The following VTI1A variants were observed in gnomAD, a reference collection of about 807,000 sequenced individuals.
The protein encoded by VTI1A is vesicle transport through interaction with t-SNAREs 1A, also known as vesicle transport through interaction with t-SNAREs homolog 1A.
Under a neutral mutation model 34.9 loss-of-function variants are expected in VTI1A, and 22 were observed. The observed-to-expected ratio is 0.63, with a 90% CI of 0.45 to 0.90. The LOEUF (loss-of-function observed/expected upper bound fraction) is 0.90. Ranked by LOEUF, VTI1A falls within the 40% of genes least tolerant of loss-of-function variation. The pLI, the probability that VTI1A is intolerant of heterozygous loss-of-function variation, is 0.00. For missense variants in VTI1A, 268 were observed against 275.6 expected, an observed-to-expected ratio of 0.97 and a Z score of 0.20; for synonymous variants, 87 against 97.3, an observed-to-expected ratio of 0.89 and a Z score of 0.62.
chr10:112,631,086 G>A (rs1459244290), intron 5 of VTI1A, among the ~76,000 whole-genome samples: 2 of 151,702 alleles, frequency 1.3e-5, no homozygotes, highest in Non-Finnish European at 2.9e-5. Flanking sequence ...CCGAGATCGC[G>A]CCATTGCACT....
chr10:112,749,124 A>G (rs1280180394), intron 7 of VTI1A, among the ~76,000 whole-genome samples: 1 of 152,216 alleles, frequency 6.6e-6, no homozygotes, highest in Non-Finnish European at 1.5e-5. Context: ...CTGTTTAAAT[A>G]TATGCATTAA....
chr10:112,708,243 G>T lies in VTI1A; in HGVS notation c.560+39245G>T, dbSNP rs190743961. Among the ~76,000 whole-genome samples, 332 of 152,300 alleles carry T rather than the reference G, an allele frequency of 2.2e-3. 1 individual carries two copies. Among genetic ancestry groups the T allele is most frequent in the Non-Finnish European group, 4.2e-3 (285 of 68,028 alleles). Reference sequence around the variant, plus strand: ...GTATACAGCATGTATATTACTGTAGGTTTGTTGAAATACAAAATAATTCTG... The same window carrying T: ...GTATACAGCATGTATATTACTGTAGTTTTGTTGAAATACAAAATAATTCTG... On this transcript the variant is annotated intron_variant, in intron 7 of 7. Transcript: ENST00000393077.
At chr10:112,619,566 G>A (rs1351687815) in intron 5 of VTI1A, among the ~76,000 whole-genome samples, 1 of 152,160 alleles carries the variant, frequency 6.6e-6, no homozygotes, top group Non-Finnish European at 1.5e-5. Context: ...TGTTGTTTCT[G>A]CAAAATATGT....
chr10:112,737,174 G>A (rs1327378041), intron 7 of VTI1A: 4 of 355,588 alleles, frequency 1.1e-5, no homozygotes, highest in Admixed American at 1.1e-4. Context: ...AGGTCCAAGC[G>A]ATTCTCTTGC....
At chr10:112,712,848 A>G (rs1849475395) in intron 7 of VTI1A, among the ~76,000 whole-genome samples, 2 of 152,164 alleles carry the variant, frequency 1.3e-5, no homozygotes, top group Non-Finnish European at 1.5e-5. Flanking sequence ...ATGGCTTTAG[A>G]CTGTCAGGAT....
intron 1 of VTI1A, among the ~76,000 whole-genome samples, chr10:112,458,212 T>C (rs1847605488): frequency 6.6e-6 from 1 of 152,232 alleles, no homozygotes; most frequent in South Asian, 2.1e-4. Flanking sequence ...GCATGGACTT[T>C]CCTATCAACT....
chr10:112,846,721 G>A, the VTI1A span, among the ~76,000 whole-genome samples: 5 of 149,240 alleles, frequency 3.4e-5, no homozygotes, highest in East Asian at 2.0e-4. Context: ...AGCCGAGATC[G>A]CGCCACTGCA....
intron 5 of VTI1A, among the ~76,000 whole-genome samples, chr10:112,577,038 A>G (rs1843739592): frequency 6.6e-6 from 1 of 152,222 alleles, no homozygotes; most frequent in African/African-American, 2.4e-5. Context: ...TATGTTAGGG[A>G]TGCATAGATA....
chr10:112,561,546 A>G (rs1205485918), intron 5 of VTI1A, among the ~76,000 whole-genome samples: 1 of 152,222 alleles, frequency 6.6e-6, no homozygotes, highest in Admixed American at 6.5e-5. Context: ...GGATATAACA[A>G]ATACTTAAAT....
chr10:112,750,862 A>T lies in VTI1A; in HGVS notation c.561-64428A>T, dbSNP rs78588874. 5.5e-3 allele frequency among the ~76,000 whole-genome samples: 841 copies of T among 152,336 alleles called. 9 individuals carry two copies. The highest frequency in any genetic ancestry group is 0.018 in the African/African-American group (762 of 41,578). ...TATTGTGCAATAGAATAAAAAGCAA[A>T]TACTGTGTGTCCCATGGCAACCTCG... On this transcript the variant is annotated intron_variant, in intron 7 of 7. Transcript: ENST00000393077.
At chr10:112,750,803 A>G (rs1851075378) in intron 7 of VTI1A, among the ~76,000 whole-genome samples, 1 of 152,202 alleles carries the variant, frequency 6.6e-6, no homozygotes, top group Non-Finnish European at 1.5e-5. Flanking sequence ...TGTGCTTAGG[A>G]ATGCATAATT....
intron 1 of VTI1A, among the ~76,000 whole-genome samples, chr10:112,457,370 T>C (rs1847570832): frequency 6.6e-6 from 1 of 152,236 alleles, no homozygotes; most frequent in Non-Finnish European, 1.5e-5. Flanking sequence ...CTCAGTATAG[T>C]GTAGGACTAT....
chr10:112,607,354 G>GGTGAGCC (rs1419329643), intron 5 of VTI1A, among the ~76,000 whole-genome samples: 1 of 151,796 alleles, frequency 6.6e-6, no homozygotes, highest in African/African-American at 2.4e-5. Context: ...ATAGGCAGGA[G>GGTGAGCC]GTGAGCCAAG....
At chr10:112,569,985 C>CA (rs1344918422) in intron 5 of VTI1A, among the ~76,000 whole-genome samples, 13 of 152,286 alleles carry the variant, frequency 8.5e-5, no homozygotes, top group African/African-American at 3.1e-4. Flanking sequence ...GCAAAGTGTG[C>CA]ATTCAGTACC....
intron 1 of VTI1A, among the ~76,000 whole-genome samples, chr10:112,448,705 C>T (rs1003300706): frequency 1.1e-4 from 16 of 152,140 alleles, no homozygotes; most frequent in African/African-American, 3.9e-4. Flanking sequence ...CATTAATCTG[C>T]GGATTGGTGG....
chr10:112,822,252 G>A (rs1853667306), downstream of VTI1A, among the ~76,000 whole-genome samples: 3 of 152,172 alleles, frequency 2.0e-5, no homozygotes, highest in Admixed American at 2.0e-4. Flanking sequence ...CCACTCCCTG[G>A]CCAGGACCCC....
chr10:112,607,597 A>G (rs1469942329), intron 5 of VTI1A, among the ~76,000 whole-genome samples: 1 of 152,210 alleles, frequency 6.6e-6, no homozygotes, highest in African/African-American at 2.4e-5. Context: ...GTCCTTTGTT[A>G]TGAAAGAAAT....
intron 3 of VTI1A, among the ~76,000 whole-genome samples, chr10:112,491,993 G>A (rs550808225): frequency 4.5e-4 from 68 of 152,264 alleles, no homozygotes; most frequent in African/African-American, 1.6e-3. Flanking sequence ...AGAGATTTTA[G>A]TTTAGTTGGT....
At chr10:112,510,063 G>C (rs1849555183) in intron 3 of VTI1A, among the ~76,000 whole-genome samples, 1 of 152,194 alleles carries the variant, frequency 6.6e-6, no homozygotes, top group Non-Finnish European at 1.5e-5. Context: ...TCCCTGTCCA[G>C]TGCTATCACA....
Sources: gnomAD v4.1 joint callset for allele counts (sites outside exome capture counted in the v4.1 genomes callset) on GRCh38, gnomAD v4.1.1 for gene constraint, MANE v1.5 for transcripts, NCBI Gene and HGNC (gene_info 2026-07-23, HGNC 2026-07-21) for gene names.